The following SYCP2L variants were observed in gnomAD, a reference collection of about 807,000 sequenced individuals.
SYCP2L encodes synaptonemal complex protein 2 like, also known as synaptonemal complex protein 2-like.
In SYCP2L, 98 loss-of-function variants were observed where a neutral mutation model predicts 125.8. That is an observed-to-expected ratio of 0.78 (90% CI 0.66 to 0.92). The LOEUF is 0.92. Ranked by LOEUF, SYCP2L falls within the 40% of genes least tolerant of loss-of-function variation. The probability of loss-of-function intolerance (pLI) is 0.00; values close to 1 mark genes in which losing one functional copy is unlikely to be tolerated. For missense variants in SYCP2L, 842 were observed against 936.4 expected (o/e 0.90, Z 1.32); for synonymous variants, 317 against 325.4 (o/e 0.97, Z 0.28).
At chr6:10,888,921 G>A (rs28600071) in intron 1 of SYCP2L, among the ~76,000 whole-genome samples, 16,552 of 152,056 alleles carry the variant, frequency 0.11, 1,460 homozygotes, top group African/African-American at 0.24. Flanking sequence ...GAGCGCAGTG[G>A]CTGGATCTCG....
In SYCP2L at chr6:10,971,626, A is replaced by G. The variant is rs983842706; in HGVS notation, c.*38-2326A>G. 2.6e-5 allele frequency among the ~76,000 whole-genome samples: 4 copies of G among 152,256 alleles called. No individual in the cohort carries two copies. In the East Asian group the frequency reaches 7.7e-4, roughly 29 times the overall value. On this transcript the variant is annotated intron_variant, in intron 29 of 29. Transcript: ENST00000283141. ...TTGGGAGTATATTCTTCCAAAGATT[A>G]TTGTGATGCTTACACAAGAATATAT...
chr6:10,973,940 C>G lies in SYCP2L; in HGVS notation c.*38-12C>G, dbSNP rs1166752479. On this transcript the variant is annotated splice_polypyrimidine_tract_variant and intron_variant, in intron 29 of 29. Transcript: ENST00000283141. ...TTGACTAATTACTGCTCTCCTTTTC[C>G]TTTTCTGCCAGCCTGGGCTGCCTGA... 9.9e-5 allele frequency: 15 copies of G among 152,216 alleles called. No homozygotes were observed. The highest frequency in any genetic ancestry group is 9.8e-4 in the Admixed American group (15 of 15,286). The allele number at this position is 152,216 out of a possible 1,614,324, so 9.4% of individuals were successfully genotyped here.
At chr6:10,903,666 G>A (rs1337288821) in intron 8 of SYCP2L, among the ~76,000 whole-genome samples, 1 of 152,002 alleles carries the variant, frequency 6.6e-6, no homozygotes, top group Non-Finnish European at 1.5e-5. Context: ...CAGGAGAATC[G>A]CTTGAACCCA....
chr6:10,934,587 C>T (rs1466107404), intron 20 of SYCP2L, among the ~76,000 whole-genome samples: 2 of 152,106 alleles, frequency 1.3e-5, no homozygotes, highest in Admixed American at 1.3e-4. Context: ...GGCTGAGGCA[C>T]GAGAATTGCT....
chr6:10,936,394 G>A (rs2113368096), intron 21 of SYCP2L, among the ~76,000 whole-genome samples: 1 of 152,222 alleles, frequency 6.6e-6, no homozygotes, highest in East Asian at 1.9e-4. Context: ...CTACTCGGGA[G>A]GCTGAGACAG....
chr6:10,964,166 C>T (rs993106821), intron 29 of SYCP2L, among the ~76,000 whole-genome samples: 28 of 152,220 alleles, frequency 1.8e-4, no homozygotes, highest in African/African-American at 6.5e-4. Flanking sequence ...ACCATGTTAG[C>T]GAGGATGGTC....
chr6:10,910,728 G>T, intron 11 of SYCP2L, 96 bp from the exon 12 acceptor site: 1 of 1,292,114 alleles, frequency 7.7e-7, no homozygotes, highest in African/African-American at 1.5e-5. Flanking sequence ...GAGACTTAAT[G>T]GCATACTCTA....
chr6:10,926,281 A>ATTT, intron 15 of SYCP2L, 58 bp from the exon 16 acceptor site: 12 of 995,682 alleles, frequency 1.2e-5, no homozygotes, highest in East Asian at 3.0e-5. Context: ...TTTTCCTTAA[A>ATTT]TTTTTTTTTT....
At position 10,958,834 on chromosome 6, in the gene SYCP2L, G is replaced by A. The variant is rs773886205; in HGVS notation, c.2214G>A (p.Pro738=). The change falls in exon 26 of 30, where the codon CCG becomes CCA. Residue 738 remains proline (P), a synonymous_variant. Coordinates refer to ENST00000283141, the MANE Select transcript of SYCP2L (RefSeq NM_001040274.3). ...ATTCAGAAAATGCAAAGAAAGCACC[G>A]GATTGCCTAATAAAACTTTTAAACC... ...PFNSENAKKA[P]DCLIKLLNQM... is the part of the protein sequence containing the mutation. The A allele has an allele frequency of 6.2e-6, 10 of 1,613,754 alleles. No homozygotes were observed. Among genetic ancestry groups the A allele is most frequent in the South Asian group, 1.1e-5 (1 of 91,020 alleles).
At position 10,907,597 on chromosome 6, in the gene SYCP2L, A is replaced by G; in HGVS notation, c.732A>G (p.Lys244=). The change falls in exon 10 of 30, where the codon AAA becomes AAG. Residue 244 remains lysine (K), a synonymous_variant. Transcript: ENST00000283141. ...CGCTGTGTAGACTGACGATTAAAAA[A>G]TCAAGGGATGAACTTGTCCATAAAT... is the stretch of plus-strand genomic sequence containing the variant. The part of the protein sequence containing the change: ...SEALCRLTIK[K]SRDELVHKWF... The G allele has an allele frequency of 1.2e-6, 2 of 1,614,022 alleles. No homozygotes were observed. The highest frequency in any genetic ancestry group is 1.7e-6 in the Non-Finnish European group (2 of 1,179,932).
chr6:10,938,994 C>T (rs1781162333), intron 21 of SYCP2L, among the ~76,000 whole-genome samples: 2 of 152,082 alleles, frequency 1.3e-5, no homozygotes, highest in Non-Finnish European at 2.9e-5. Context: ...GTGGCACACT[C>T]CTGTAGTCCC....
In SYCP2L at chr6:10,942,757, A is replaced by G. The variant is rs774666157; in HGVS notation, c.1954+11A>G. On this transcript the variant is annotated intron_variant, in intron 23 of 29. Coordinates refer to ENST00000283141, the MANE Select transcript of SYCP2L (RefSeq NM_001040274.3). Reference sequence around the variant, plus strand: ...ACTTGGAAGACAAAGGTAAGAGAATAGTACTTTTTTTTTTTTTTTTGCAGA... The same window carrying G: ...ACTTGGAAGACAAAGGTAAGAGAATGGTACTTTTTTTTTTTTTTTTGCAGA... 2 of 1,545,642 alleles carry G rather than the reference A, an allele frequency of 1.3e-6. No homozygotes were observed. Among genetic ancestry groups the G allele is most frequent in the East Asian group, 2.3e-5 (1 of 44,114 alleles).
In SYCP2L at chr6:10,954,999, A is replaced by G; in HGVS notation, c.1955-117A>G. On this transcript the variant is annotated intron_variant, in intron 23 of 29. Coordinates refer to ENST00000283141, the MANE Select transcript of SYCP2L (RefSeq NM_001040274.3). The surrounding 1 kb of genome is among the most constrained non-coding windows in gnomAD (Gnocchi z 4.8). ...TAGTCGATGCACCGAATGATAACTC[A>G]TTAGCAACAGGCAGGGGACAAGTTT... 1.4e-6 allele frequency: 1 copy of G among 714,008 alleles called. No homozygotes were observed. The highest frequency in any genetic ancestry group is 1.7e-5 in the South Asian group (1 of 59,248). The allele number at this position is 714,008 out of a possible 1,614,324, so 44.2% of individuals were successfully genotyped here.
intron 2 of SYCP2L, among the ~76,000 whole-genome samples, chr6:10,891,789 G>A (rs1189592192): frequency 6.6e-6 from 1 of 152,020 alleles, no homozygotes; most frequent in Non-Finnish European, 1.5e-5. Context: ...AATCTCTCAT[G>A]TCCAATTTAT....
intron 29 of SYCP2L, among the ~76,000 whole-genome samples, chr6:10,971,609 A>G (rs1410426124): frequency 3.3e-5 from 5 of 152,202 alleles, no homozygotes; most frequent in African/African-American, 9.6e-5. Flanking sequence ...AGTTGGGAGT[A>G]TATTCTTCCA....
At position 10,910,709 on chromosome 6, in the gene SYCP2L, CT is replaced by C. The variant is rs1192557062; in HGVS notation, c.873-114del. Reference sequence around the variant, plus strand: ...CAGGCTTGAAACCCCCTATTGTACTCTGTACGAGGAGACTTAATGGCATACT... The same window carrying C: ...CAGGCTTGAAACCCCCTATTGTACTCGTACGAGGAGACTTAATGGCATACT... On this transcript the variant is annotated intron_variant, in intron 11 of 29. Coordinates refer to ENST00000283141, the MANE Select transcript of SYCP2L (RefSeq NM_001040274.3). The C allele has an allele frequency of 3.6e-6, 4 of 1,099,196 alleles. No homozygotes were observed. In the Admixed American group the frequency reaches 5.1e-5, roughly 14 times the overall value. 68.1% of individuals were successfully genotyped at this position (1,099,196 alleles called of 1,614,324 possible).
At chr6:10,905,704 G>A (rs1192860345) in intron 8 of SYCP2L, among the ~76,000 whole-genome samples, 4 of 152,112 alleles carry the variant, frequency 2.6e-5, no homozygotes, top group Non-Finnish European at 4.4e-5. Context: ...AGGTTGGTGC[G>A]GTGATTATAA....
At chr6:10,931,667 T>C (rs59262202) in intron 20 of SYCP2L, among the ~76,000 whole-genome samples, 178 bp downstream of exon 20, 2,575 of 152,210 alleles carry the variant, frequency 0.017, 75 homozygotes, top group African/African-American at 0.058. Context: ...GGTAAGTAAG[T>C]GTTTAAGGTG....
At chr6:10,899,529 C>G (rs1302859383) in intron 6 of SYCP2L, among the ~76,000 whole-genome samples, 3 of 152,158 alleles carry the variant, frequency 2.0e-5, no homozygotes, top group Non-Finnish European at 4.4e-5. Flanking sequence ...GCCTGGGTGA[C>G]AGCGTGATCC....
Sources: allele counts gnomAD v4.1 joint callset (sites outside exome capture counted in the v4.1 genomes callset), GRCh38; gene constraint gnomAD v4.1.1; non-coding constraint Gnocchi (gnomAD v3.1); transcripts MANE v1.5; gene names NCBI Gene and HGNC (gene_info 2026-07-23, HGNC 2026-07-21).